Variants in PRKN observed in about 807,000 individuals in gnomAD.
PRKN encodes the protein E3 ubiquitin-protein ligase parkin.
Under a neutral mutation model 59.5 loss-of-function variants are expected in PRKN, and 56 were observed. That is an observed-to-expected ratio of 0.94 (90% CI 0.76 to 1.18). The LOEUF (loss-of-function observed/expected upper bound fraction) is 1.18. Ranked by LOEUF, PRKN falls within the 50% of genes most tolerant of loss-of-function variation. The probability of loss-of-function intolerance (pLI) is 0.00; values close to 1 mark genes in which losing one functional copy is unlikely to be tolerated. For missense variants in PRKN, 657 were observed against 596.4 expected (o/e 1.10, Z -1.06); for synonymous variants, 250 against 222.1 (o/e 1.13, Z -1.12).
intron 2 of PRKN, among the ~76,000 whole-genome samples, chr6:162,428,663 A>G (rs1469770322): frequency 6.6e-6 from 1 of 152,114 alleles, no homozygotes; most frequent in Non-Finnish European, 1.5e-5. Context: ...CAATGCGTAC[A>G]TCTGCTAGTC....
At chr6:162,389,018 A>AAAAC (rs1554312386) in intron 2 of PRKN, among the ~76,000 whole-genome samples, 3 of 149,408 alleles carry the variant, frequency 2.0e-5, no homozygotes, top group African/African-American at 4.9e-5. Context: ...AAAAAAAAAA[A>AAAAC]AAAAAACAAA....
At chr6:161,946,410 A>T (rs1441122741) in intron 6 of PRKN, among the ~76,000 whole-genome samples, 8 of 95,198 alleles carry the variant, frequency 8.4e-5, no homozygotes, top group African/African-American at 2.8e-4. Context: ...ACACACACAC[A>T]CACACTCTCT....
At chr6:161,874,631 TA>T (rs1173630620) in intron 6 of PRKN, among the ~76,000 whole-genome samples, 1 of 105,780 alleles carries the variant, frequency 9.5e-6, no homozygotes, top group Non-Finnish European at 1.6e-5. Flanking sequence ...GTGTAATATA[TA>T]AATATATATT....
chr6:162,289,574 G>A (rs2128108803), intron 2 of PRKN, among the ~76,000 whole-genome samples: 1 of 151,952 alleles, frequency 6.6e-6, no homozygotes, highest in East Asian at 1.9e-4. Context: ...GCAGGTACCT[G>A]TAATCCCAGC....
At chr6:161,939,613 T>C (rs1299433267) in intron 6 of PRKN, among the ~76,000 whole-genome samples, 1 of 151,008 alleles carries the variant, frequency 6.6e-6, no homozygotes, top group Non-Finnish European at 1.5e-5. Context: ...GTTCCTGTAA[T>C]CCCAGCTACT....
chr6:162,070,289 C>A (rs1255506740), intron 4 of PRKN, among the ~76,000 whole-genome samples: 1 of 152,148 alleles, frequency 6.6e-6, no homozygotes, highest in Non-Finnish European at 1.5e-5. Flanking sequence ...ATTTGTTAAT[C>A]ATCAAAACAA....
chr6:161,828,831 G>A (rs530743455), intron 6 of PRKN, among the ~76,000 whole-genome samples: 2 of 152,220 alleles, frequency 1.3e-5, no homozygotes, highest in African/African-American at 4.8e-5. Flanking sequence ...TTGGGACGCT[G>A]AGGCGGGAGA....
intron 2 of PRKN, among the ~76,000 whole-genome samples, chr6:162,339,442 C>A (rs1318099921): frequency 2.0e-5 from 3 of 147,872 alleles, no homozygotes; most frequent in African/African-American, 7.4e-5. Flanking sequence ...TGAGGGGCGC[C>A]TCTGCCCGGC....
At chr6:161,856,015 G>A (rs1215107507) in intron 6 of PRKN, among the ~76,000 whole-genome samples, 1 of 152,176 alleles carries the variant, frequency 6.6e-6, no homozygotes, top group African/African-American at 2.4e-5. Context: ...AGGAAAGCAT[G>A]AGTCCAAGCA....
intron 1 of PRKN, among the ~76,000 whole-genome samples, chr6:162,511,242 G>T (rs527949063): frequency 6.6e-6 from 1 of 150,934 alleles, no homozygotes; most frequent in African/African-American, 2.4e-5. Flanking sequence ...CCACTCTTTG[G>T]TATTACTTAC....
intron 1 of PRKN, among the ~76,000 whole-genome samples, chr6:162,547,454 A>G (rs1366559249): frequency 3.3e-5 from 5 of 152,206 alleles, no homozygotes; most frequent in Non-Finnish European, 2.9e-5. Context: ...CAGAACTTTT[A>G]CCTAATTGGA....
In PRKN at chr6:162,178,350, G is replaced by A. The variant is rs1361068005; in HGVS notation, c.534+22781C>T. Among the ~76,000 whole-genome samples, 10 of 152,248 alleles carry A rather than the reference G, an allele frequency of 6.6e-5. No individual in the cohort carries two copies. The South Asian group carries it at 1.9e-3, about 28-fold the overall frequency. Reference sequence around the variant, plus strand: ...TTAATTCAATGAGCAAATTGTAATGGGCCTATCCCTTAAGACACTGGTGTT... The same window carrying A: ...TTAATTCAATGAGCAAATTGTAATGAGCCTATCCCTTAAGACACTGGTGTT... On this transcript the variant is annotated intron_variant, in intron 4 of 11. Coordinates refer to ENST00000366898, the MANE Select transcript of PRKN (RefSeq NM_004562.3).
In PRKN at chr6:161,627,188, G is replaced by A. The variant is rs568843017; in HGVS notation, c.872-57772C>T. ...AAAAGCCTAGGAAACAGAGGGCCCC[G>A]ACTGCCTTATCAGTCATGCTAAGAT... is the stretch of plus-strand genomic sequence containing the variant. On this transcript the variant is annotated intron_variant, in intron 7 of 11. Transcript: ENST00000366898. Among the ~76,000 whole-genome samples, 64 of 152,294 alleles carry A rather than the reference G, an allele frequency of 4.2e-4. 2 individuals are homozygous for A. The highest frequency in any genetic ancestry group is 1.3e-3 in the African/African-American group (52 of 41,550).
At position 161,810,201 on chromosome 6, in the gene PRKN, T is replaced by C. The variant is rs149291231; in HGVS notation, c.735-24293A>G. On this transcript the variant is annotated intron_variant, in intron 6 of 11. Transcript: ENST00000366898. ...AGAAGCAGAGACTATGACACAGATA[T>C]GTACAGAGGGAAGCCCATCTGGAGA... Among the ~76,000 whole-genome samples, 1,048 of 152,258 alleles carry C rather than the reference T, an allele frequency of 6.9e-3. 13 individuals are homozygous for C. Among genetic ancestry groups the C allele is most frequent in the African/African-American group, 0.024 (1,003 of 41,532 alleles).
chr6:161,516,100 T>C (rs483366), intron 9 of PRKN, among the ~76,000 whole-genome samples: 51,115 of 151,946 alleles, frequency 0.34, 9,658 homozygotes, highest in East Asian at 0.61. Flanking sequence ...CTTTTTTCTA[T>C]ATAACCTTAA....
intron 5 of PRKN, among the ~76,000 whole-genome samples, chr6:162,011,343 A>AC (rs1782673878): frequency 2.1e-4 from 3 of 14,126 alleles, no homozygotes; most frequent in African/African-American, 3.1e-4. Flanking sequence ...TATATTATAT[A>AC]TTATAATATA....
rs755588390 is a variant in PRKN at position 162,262,672 on chromosome 6, T to C, written c.265A>G (p.Arg89Gly). The part of the protein sequence containing the change: ...EMNATGGDDP[R>G]NAAGGCEREP... ...CGCTCACAGCCTCCCGCCGCGTTTC[T>C]GGGGTCGTCGCCTCCAGTTGCATTC... Residue 89 changes from arginine (R) to glycine (G), a missense_variant, in exon 3 of 12, where the codon AGA (arginine) becomes GGA (glycine). By Grantham distance (125) the Arg-to-Gly change is moderately radical. Coordinates refer to ENST00000366898, the MANE Select transcript of PRKN (RefSeq NM_004562.3). 6.2e-7 allele frequency: 1 copy of C among 1,613,332 alleles called. No individual in the cohort carries two copies. The highest frequency in any genetic ancestry group is 8.5e-7 in the Non-Finnish European group (1 of 1,179,964).
intron 7 of PRKN, among the ~76,000 whole-genome samples, chr6:161,594,375 G>A (rs933592820): frequency 3.3e-5 from 5 of 152,230 alleles, no homozygotes; most frequent in African/African-American, 1.2e-4. Context: ...AAGAGGGGAA[G>A]AGGCTGTGGG....
Position 161,459,944 on chromosome 6 carries a change from G to T in PRKN, c.1084-73067C>A, listed in dbSNP as rs75664400. Among the ~76,000 whole-genome samples the T allele has an allele frequency of 6.6e-6, 1 of 150,862 alleles. No individual in the cohort carries two copies. The highest frequency in any genetic ancestry group is 2.1e-4 in the South Asian group (1 of 4,770). On this transcript the variant is annotated intron_variant, in intron 9 of 11. Coordinates refer to ENST00000366898, the MANE Select transcript of PRKN (RefSeq NM_004562.3). This position sits in a 1 kb window ranked among gnomAD's most constrained non-coding sequence, Gnocchi z 4.8. ...ATAAGAAAATGGCTGTTGATATTTTGTAAAAAAAAAAATCTATTTATCCAT... is the reference window on the plus strand; with the variant it reads ...ATAAGAAAATGGCTGTTGATATTTTTTAAAAAAAAAAATCTATTTATCCAT...
Sources: gnomAD v4.1 joint callset for allele counts (sites outside exome capture counted in the v4.1 genomes callset) on GRCh38, gnomAD v4.1.1 for gene constraint, Gnocchi (gnomAD v3.1) non-coding constraint, MANE v1.5 for transcripts, NCBI Gene and HGNC (gene_info 2026-07-23, HGNC 2026-07-21) for gene names.